Variants in PPIE observed in about 807,000 individuals in gnomAD.
The protein encoded by PPIE is peptidyl-prolyl cis-trans isomerase E.
Under a neutral mutation model 38.4 loss-of-function variants are expected in PPIE, and 20 were observed. That is an observed-to-expected ratio of 0.52 (90% CI 0.37 to 0.76). The LOEUF is 0.76. Among genes scored for constraint, PPIE ranks in the 30% least tolerant of loss-of-function variants. The probability of loss-of-function intolerance (pLI) is 0.00; values close to 1 mark genes in which losing one functional copy is unlikely to be tolerated. For synonymous variants in PPIE, 142 were observed against 135.7 expected, an observed-to-expected ratio of 1.05 and a Z score of -0.32; for missense variants, 322 against 385.8, an observed-to-expected ratio of 0.83 and a Z score of 1.39.
chr1:39,763,360 A>G (rs1187401899), intron 9 of PPIE, among the ~76,000 whole-genome samples: 1 of 121,978 alleles, frequency 8.2e-6, no homozygotes, highest in East Asian at 2.2e-4. Flanking sequence ...CTCAGGCCCA[A>G]CATCCCCCAT....
chr1:39,740,189 A>G lies in PPIE; in HGVS notation c.56A>G (p.Asp19Gly). 6.2e-7 allele frequency: 1 copy of G among 1,614,210 alleles called. No individual in the cohort carries two copies. The highest frequency in any genetic ancestry group is 8.5e-7 in the Non-Finnish European group (1 of 1,180,028). ...GGTGGACTGGCAGAGGAAGTGGACGACAAAGTTCTTCATGCTGCGTTCATT... is the reference window on the plus strand; with the variant it reads ...GGTGGACTGGCAGAGGAAGTGGACGGCAAAGTTCTTCATGCTGCGTTCATT... The part of the protein sequence containing the change: ...YVGGLAEEVD[D>G]KVLHAAFIPF... The change falls in exon 2 of 10, where the codon GAC (aspartate) becomes GGC (glycine). Residue 19 changes from aspartate to glycine, a missense_variant. Coordinates refer to ENST00000324379, the MANE Select transcript of PPIE (RefSeq NM_006112.4).
chr1:39,743,963 G>A (rs201036197), intron 6 of PPIE, 39 bp downstream of exon 6: 69 of 1,481,956 alleles, frequency 4.7e-5, no homozygotes, highest in Non-Finnish European at 5.6e-5. Flanking sequence ...ACAGGCCGGC[G>A]CTGTCCACAG....
chr1:39,761,574 G>C (rs1648983826), downstream of PPIE, among the ~76,000 whole-genome samples: 1 of 152,074 alleles, frequency 6.6e-6, no homozygotes, highest in African/African-American at 2.4e-5. Flanking sequence ...CCAGGCCCTA[G>C]GGGAGCCGGC....
chr1:39,761,746 T>C (rs989296868), downstream of PPIE, among the ~76,000 whole-genome samples: 7 of 152,058 alleles, frequency 4.6e-5, no homozygotes, highest in African/African-American at 1.7e-4. Context: ...ACTGGCCCCC[T>C]CCTTCTGTGG....
chr1:39,743,864 G>T lies in PPIE; in HGVS notation c.324G>T (p.Lys108Asn), dbSNP rs761382927. ...ACTGGTTGAAGAAGTTTTCTGGGAA[G>T]ACGCTTGAAGAGAATAAAGAGGAAG... ...DDDWLKKFSG[K>N]TLEENKEEEG... The change falls in exon 6 of 10, where the codon AAG (lysine) becomes AAT (asparagine). Residue 108 changes from lysine (K) to asparagine (N), a missense_variant. By Grantham distance (94) the Lys-to-Asn change is moderately conservative. Transcript: ENST00000324379. The T allele has an allele frequency of 7.4e-6, 12 of 1,614,018 alleles. No homozygotes were observed. Among genetic ancestry groups the T allele is most frequent in the Non-Finnish European group, 1.0e-5 (12 of 1,179,960 alleles).
At chr1:39,741,493 G>A (rs939791307) in intron 3 of PPIE, 84 bp downstream of exon 3, 2 of 1,470,748 alleles carry the variant, frequency 1.4e-6, no homozygotes, top group African/African-American at 2.8e-5. Flanking sequence ...CATTTGGTTA[G>A]GTTTTTGGGC....
intron 9 of PPIE, chr1:39,763,327 C>T (rs1043009750): frequency 2.6e-5 from 26 of 984,986 alleles, no homozygotes; most frequent in South Asian, 1.8e-4. Context: ...CAGGAACCCC[C>T]GGCAGAAAAG....
At chr1:39,746,337 T>A (rs1292834918) in intron 7 of PPIE, 3 of 152,248 alleles carry the variant, frequency 2.0e-5, no homozygotes, top group African/African-American at 4.8e-5. Context: ...TTCTGTGTAA[T>A]CATTCCTGAT....
intron 2 of PPIE, among the ~76,000 whole-genome samples, chr1:39,740,991 TTC>T (rs1647043553): frequency 6.6e-6 from 1 of 152,230 alleles, no homozygotes; most frequent in South Asian, 2.1e-4. Context: ...GGTTTTAGGA[TTC>T]ATGCTTTATG....
chr1:39,744,025 G>A, intron 6 of PPIE, 101 bp downstream of exon 6: 1 of 696,832 alleles, frequency 1.4e-6, no homozygotes, highest in Non-Finnish European at 2.4e-6. Flanking sequence ...GTATATCAAA[G>A]TGGAGGGAAT....
Position 39,741,808 on chromosome 1 carries a change from G to C in PPIE, c.175-87G>C, listed in dbSNP as rs1647064360. ...AGAAATACAGAGGTGGCATTTTTCT[G>C]GATTTTTGCTACTGAGCATGTGTTT... is the stretch of plus-strand genomic sequence containing the variant. On this transcript the variant is annotated intron_variant, in intron 3 of 9. Coordinates refer to ENST00000324379, the MANE Select transcript of PPIE (RefSeq NM_006112.4). 4 of 1,484,692 alleles carry C rather than the reference G, an allele frequency of 2.7e-6. No homozygotes were observed. The African/African-American group carries it at 5.6e-5, about 21-fold the overall frequency. 92.0% of individuals were successfully genotyped at this position (1,484,692 alleles called of 1,614,324 possible). A position where few individuals can be genotyped will look rare whatever the true frequency, so the allele number is the denominator to read the frequency against.
At chr1:39,761,853 C>T (rs1649030214) in intron 9 of PPIE, among the ~76,000 whole-genome samples, 1 of 152,214 alleles carries the variant, frequency 6.6e-6, no homozygotes, top group Admixed American at 6.5e-5. Flanking sequence ...TTGGACAAAC[C>T]AACAAACCGA....
Position 39,753,268 on chromosome 1 carries a change from C to T in PPIE, c.838-19C>T, listed in dbSNP as rs931711029. On this transcript the variant is annotated intron_variant, in intron 9 of 9. Transcript: ENST00000324379. ...GTTAGTCTCCGGCCTTACTCCCTCA[C>T]TTCTATTCTGCCACAAAGGCCCAGG... 3 of 1,613,452 alleles carry T rather than the reference C, an allele frequency of 1.9e-6. No homozygotes were observed. The highest frequency in any genetic ancestry group is 2.7e-5 in the African/African-American group (2 of 74,920).
At chr1:39,742,921 G>A in intron 4 of PPIE, 1 of 238,010 alleles carries the variant, frequency 4.2e-6, no homozygotes. Context: ...AGCTTATCTT[G>A]ACTTTTGAAG....
At chr1:39,762,837 C>T (rs970032321) in intron 9 of PPIE, among the ~76,000 whole-genome samples, 7 of 152,234 alleles carry the variant, frequency 4.6e-5, no homozygotes, top group Non-Finnish European at 1.0e-4. Flanking sequence ...GGAGTTTGTT[C>T]GGTGCATAGA....
chr1:39,760,627 A>AC, downstream of PPIE: 1 of 1,457,960 alleles, frequency 6.9e-7, no homozygotes, highest in Non-Finnish European at 9.1e-7. Flanking sequence ...CCAAGGACCC[A>AC]CCCAGCCCCA....
In PPIE at chr1:39,756,011, C is replaced by G. The variant is rs1352112533; in HGVS notation, c.*2656C>G. The G allele has an allele frequency of 4.1e-6, 4 of 985,266 alleles. No individual in the cohort carries two copies. Among genetic ancestry groups the G allele is most frequent in the African/African-American group, 1.7e-5 (1 of 57,214 alleles). The allele number at this position is 985,266 out of a possible 1,614,324, so 61.0% of individuals were successfully genotyped here. ...CCCTGGGGAGTGACACAGTCATGGT[C>G]CCCATGATTGGCCAGGACCTGTGTG... On this transcript the variant is annotated 3_prime_UTR_variant, in exon 10 of 10. Transcript: ENST00000324379.
At position 39,741,932 on chromosome 1, in the gene PPIE, G is replaced by A; in HGVS notation, c.201+11G>A. On this transcript the variant is annotated intron_variant, in intron 4 of 9. Transcript: ENST00000324379. ...GCTATCGACAACATGGTATGGCTGG[G>A]AATCTTAATTCTAACTAAAGTTGCT... is the stretch of plus-strand genomic sequence containing the variant. 1.2e-6 allele frequency: 2 copies of A among 1,614,156 alleles called. No homozygotes were observed. The highest frequency in any genetic ancestry group is 1.7e-6 in the Non-Finnish European group (2 of 1,179,986).
intron 9 of PPIE, among the ~76,000 whole-genome samples, chr1:39,762,805 A>G (rs1246737536): frequency 2.6e-5 from 4 of 152,258 alleles, no homozygotes; most frequent in Non-Finnish European, 2.9e-5. Flanking sequence ...AGCGCTGCAC[A>G]CAGGTGCGTA....
Sources: gnomAD v4.1 joint callset for allele counts (sites outside exome capture counted in the v4.1 genomes callset) on GRCh38, gnomAD v4.1.1 for gene constraint, MANE v1.5 for transcripts, NCBI Gene and HGNC (gene_info 2026-07-23, HGNC 2026-07-21) for gene names.